The following MEP1B variants were observed in gnomAD, a reference collection of about 807,000 sequenced individuals.
MEP1B encodes the protein meprin A subunit beta, also known as N-benzoyl-L-tyrosyl-P-amino-benzoic acid hydrolase subunit beta.
In MEP1B, 80 loss-of-function variants were observed where a neutral mutation model predicts 84.6. That is an observed-to-expected ratio of 0.95 (90% CI 0.79 to 1.14). The LOEUF (loss-of-function observed/expected upper bound fraction) is 1.14. Ranked by LOEUF, MEP1B falls within the 50% of genes most tolerant of loss-of-function variation. MEP1B has a pLI of 0.00. For missense variants in MEP1B, 766 were observed against 855.1 expected (o/e 0.90, Z 1.30); for synonymous variants, 273 against 288.1 (o/e 0.95, Z 0.53).
intron 5 of MEP1B, among the ~76,000 whole-genome samples, chr18:32,202,052 G>T (rs1015666019): frequency 2.0e-5 from 3 of 152,178 alleles, no homozygotes; most frequent in African/African-American, 7.2e-5. Flanking sequence ...AAGCTCCAAA[G>T]GTTGATTGAA....
intron 11 of MEP1B, 130 bp downstream of exon 11, chr18:32,213,689 T>A: frequency 1.5e-6 from 1 of 679,994 alleles, no homozygotes; most frequent in Non-Finnish European, 2.5e-6. Context: ...AGAACAGATA[T>A]TTAGGGGAAA....
chr18:32,203,325 G>A (rs2040931738), intron 6 of MEP1B, among the ~76,000 whole-genome samples: 1 of 152,062 alleles, frequency 6.6e-6, no homozygotes, highest in Admixed American at 6.6e-5. Context: ...GTGTATTTAT[G>A]TGTGTCCATG....
chr18:32,217,752 A>T lies in MEP1B; in HGVS notation c.1887-9A>T. ...ACTAATAACTCTGAGTCATGCTCTC[A>T]ACATGCAGGTGCCAGTCAGGGGAAG... On this transcript the variant is annotated splice_polypyrimidine_tract_variant and intron_variant, in intron 13 of 14. Transcript: ENST00000269202. 1 of 1,611,502 alleles carries T rather than the reference A, an allele frequency of 6.2e-7. No homozygotes were observed. Among genetic ancestry groups the T allele is most frequent in the Non-Finnish European group, 8.5e-7 (1 of 1,178,174 alleles).
intron 5 of MEP1B, among the ~76,000 whole-genome samples, chr18:32,197,430 G>A (rs1220785821): frequency 7.1e-6 from 1 of 140,834 alleles, no homozygotes; most frequent in African/African-American, 2.6e-5. Context: ...TTTTGAGACA[G>A]AGTCTTGCTC....
At chr18:32,193,288 A>G (rs1342944868) in intron 4 of MEP1B, among the ~76,000 whole-genome samples, 1 of 152,198 alleles carries the variant, frequency 6.6e-6, no homozygotes, top group Non-Finnish European at 1.5e-5. Context: ...ATTCATAAAG[A>G]GTGCTGATTC....
chr18:32,212,679 T>C (rs1362146828), intron 10 of MEP1B, among the ~76,000 whole-genome samples: 2 of 152,204 alleles, frequency 1.3e-5, no homozygotes, highest in Admixed American at 1.3e-4. Flanking sequence ...GAAGACTTTG[T>C]ATGTGAGGGA....
intron 9 of MEP1B, among the ~76,000 whole-genome samples, chr18:32,209,268 C>G (rs966767240): frequency 6.6e-6 from 1 of 152,112 alleles, no homozygotes; most frequent in African/African-American, 2.4e-5. Flanking sequence ...GGGCGGATTA[C>G]CTGAGGTTGG....
intron 7 of MEP1B, 113 bp downstream of exon 7, chr18:32,204,473 T>C (rs1200136098): frequency 1.1e-6 from 1 of 914,296 alleles, no homozygotes; most frequent in African/African-American, 1.7e-5. Flanking sequence ...GATGTTTTGA[T>C]GTCTTAATTC....
At chr18:32,200,667 G>C (rs1239825672) in intron 5 of MEP1B, among the ~76,000 whole-genome samples, 1 of 152,194 alleles carries the variant, frequency 6.6e-6, no homozygotes, top group Admixed American at 6.5e-5. Context: ...CTACCAGTAG[G>C]GTTGTAGTCT....
At chr18:32,194,269 C>T (rs2040830946) in intron 4 of MEP1B, among the ~76,000 whole-genome samples, 1 of 152,168 alleles carries the variant, frequency 6.6e-6, no homozygotes, top group African/African-American at 2.4e-5. Context: ...CCATTAGCCT[C>T]CTAATTTGTC....
chr18:32,192,625 T>C (rs764617354), intron 2 of MEP1B, 21 bp from the exon 3 acceptor site: 2 of 1,607,722 alleles, frequency 1.2e-6, no homozygotes, highest in South Asian at 2.2e-5. Flanking sequence ...CAATTTTTTG[T>C]TGTTGTTGTT....
In MEP1B at chr18:32,196,837, T is replaced by C; in HGVS notation, c.250+1352T>C. 1 of 578,966 alleles carries C rather than the reference T, an allele frequency of 1.7e-6. No homozygotes were observed. Among genetic ancestry groups the C allele is most frequent in the Non-Finnish European group, 3.2e-6 (1 of 315,064 alleles). 35.9% of individuals were successfully genotyped at this position (578,966 alleles called of 1,614,324 possible). On this transcript the variant is annotated intron_variant, in intron 5 of 14. Transcript: ENST00000269202. The surrounding 1 kb of genome is among the most constrained non-coding windows in gnomAD (Gnocchi z 4.4). Reference sequence around the variant, plus strand: ...ATCAGCACTGCCTTCTGCTGGCTTCTCAGGGCCTCTGCGTACTTGCCCATG... The same window carrying C: ...ATCAGCACTGCCTTCTGCTGGCTTCCCAGGGCCTCTGCGTACTTGCCCATG...
intron 5 of MEP1B, 139 bp downstream of exon 5, chr18:32,195,624 T>C: frequency 1.9e-6 from 1 of 536,904 alleles, no homozygotes; most frequent in Non-Finnish European, 3.2e-6. Flanking sequence ...ACATTTACTT[T>C]GAAAAAAAAA....
At position 32,217,115 on chromosome 18, in the gene MEP1B, C is replaced by T. The variant is rs2041098681; in HGVS notation, c.1884C>T (p.Cys628=). ...VCTVRDGKAE[C]RCQSGEDWWY... is the part of the protein sequence containing the mutation. ...CTGTTCGAGATGGCAAAGCTGAGTG[C>T]AGGTAAGGATGATTTGAAAGAGATC... The change falls in exon 13 of 15, where the codon TGC becomes TGT. Residue 628 remains cysteine, a splice_region_variant and synonymous_variant. Transcript: ENST00000269202. 1.2e-6 allele frequency: 2 copies of T among 1,613,298 alleles called. No individual in the cohort carries two copies. The highest frequency in any genetic ancestry group is 1.7e-5 in the Admixed American group (1 of 59,908).
Position 32,217,863 on chromosome 18 carries a change from G to A in MEP1B, c.1989G>A (p.Val663=). Residue 663 remains valine (V), a synonymous_variant, in exon 14 of 15, where the codon GTG becomes GTA. Coordinates refer to ENST00000269202, the MANE Select transcript of MEP1B (RefSeq NM_005925.3). ...IVIAVSSTVA[V]FALMLIITLV... is the part of the protein sequence containing the mutation. ...TTGCTGTTTCATCTACTGTTGCTGT[G>A]TTTGCCTTGATGCTGATCATCACCC... is the stretch of plus-strand genomic sequence containing the variant. The A allele has an allele frequency of 6.2e-7, 1 of 1,613,884 alleles. No homozygotes were observed. The highest frequency in any genetic ancestry group is 8.5e-7 in the Non-Finnish European group (1 of 1,179,866).
chr18:32,204,013 T>C (rs539567912), intron 6 of MEP1B, among the ~76,000 whole-genome samples, 169 bp from the exon 7 acceptor site: 1 of 152,160 alleles, frequency 6.6e-6, no homozygotes, highest in South Asian at 2.1e-4. Flanking sequence ...GTGGGGACAA[T>C]TGTCCAAACT....
In MEP1B at chr18:32,213,113, CAGA is replaced by C. The variant is rs762521013; in HGVS notation, c.1136-1_1137del. 5 of 1,610,508 alleles carry C rather than the reference CAGA, an allele frequency of 3.1e-6. No homozygotes were observed. The African/African-American group carries it at 4.0e-5, about 13-fold the overall frequency. The stretch of plus-strand genomic sequence containing the variant: ...CTTTGAAATAATAATGACTCTTTTG[CAGA>C]AATACCCACTGGGAGCTGGCAACTT... On this transcript the variant is annotated splice_acceptor_variant and coding_sequence_variant, in exon 11 of 15. Coordinates refer to ENST00000269202, the MANE Select transcript of MEP1B (RefSeq NM_005925.3). LOFTEE classifies it high-confidence loss of function.
At chr18:32,219,044 A>G (rs1335828470) in intron 14 of MEP1B, among the ~76,000 whole-genome samples, 1 of 152,218 alleles carries the variant, frequency 6.6e-6, no homozygotes. Context: ...TTTCATTCCA[A>G]TTGGAGTCTC....
intron 14 of MEP1B, 22 bp from the exon 15 acceptor site, chr18:32,220,209 C>G: frequency 1.9e-6 from 3 of 1,595,536 alleles, no homozygotes; most frequent in Non-Finnish European, 2.6e-6. Context: ...ATTAAATCAT[C>G]AATTGTTCTT....
Sources: gnomAD v4.1 joint callset for allele counts (sites outside exome capture counted in the v4.1 genomes callset) on GRCh38, gnomAD v4.1.1 for gene constraint, Gnocchi (gnomAD v3.1) non-coding constraint, MANE v1.5 for transcripts, NCBI Gene and HGNC (gene_info 2026-07-23, HGNC 2026-07-21) for gene names.